KCNJ3: variants seen among roughly 807,000 people sequenced by gnomAD.
The protein encoded by KCNJ3 is G protein-activated inward rectifier potassium channel 1.
A neutral mutation model predicts 39.2 loss-of-function variants in KCNJ3; 4 were observed. The ratio of observed to expected loss-of-function variants is 0.10; its 90% confidence interval spans 0.05 to 0.23. KCNJ3 has a LOEUF of 0.23. Ranked by LOEUF, KCNJ3 falls within the 10% of genes least tolerant of loss-of-function variation. The probability of loss-of-function intolerance (pLI) is 1.00; values close to 1 mark genes in which losing one functional copy is unlikely to be tolerated. For synonymous variants in KCNJ3, 230 were observed against 237.4 expected, an observed-to-expected ratio of 0.97 and a Z score of 0.29; for missense variants, 276 against 634.9, an observed-to-expected ratio of 0.43 and a Z score of 6.08.
At chr2:154,769,578 AT>A (rs1391142827) in intron 2 of KCNJ3, among the ~76,000 whole-genome samples, 2 of 152,130 alleles carry the variant, frequency 1.3e-5, no homozygotes, top group Admixed American at 6.5e-5. Flanking sequence ...GTGCTGCTGG[AT>A]TCGGTTTGCC....
chr2:154,765,994 A>G (rs1357306543), intron 2 of KCNJ3, among the ~76,000 whole-genome samples: 1 of 152,236 alleles, frequency 6.6e-6, no homozygotes, highest in Non-Finnish European at 1.5e-5. Context: ...CACACACGCC[A>G]TTAGTAAGTA....
rs182085603 is a variant in KCNJ3 at position 154,803,599 on chromosome 2, G to T, written c.920-51128G>T. The stretch of plus-strand genomic sequence containing the variant: ...ATAATGAAGCTTAAACCAAATTATT[G>T]TATCCCTTTAATTATTATTTCAAAA... On this transcript the variant is annotated intron_variant, in intron 2 of 2. Coordinates refer to ENST00000295101, the MANE Select transcript of KCNJ3 (RefSeq NM_002239.4). Among the ~76,000 whole-genome samples, 6 of 151,652 alleles carry T rather than the reference G, an allele frequency of 4.0e-5. 1 individual carries two copies. Among genetic ancestry groups the T allele is most frequent in the Admixed American group, 2.0e-4 (3 of 15,214 alleles).
chr2:154,809,764 T>C (rs1367826313), intron 2 of KCNJ3, among the ~76,000 whole-genome samples: 1 of 152,186 alleles, frequency 6.6e-6, no homozygotes, highest in Non-Finnish European at 1.5e-5. Context: ...TTTTGCCTAA[T>C]ACTCAAAAAG....
intron 2 of KCNJ3, among the ~76,000 whole-genome samples, chr2:154,850,008 CTTTTTTTTTTTTTTTTTTT>C (rs373062062): frequency 0.13 from 6,204 of 49,006 alleles, 350 homozygotes; most frequent in Middle Eastern, 0.22. Flanking sequence ...CAGAATAAAT[CTTTTTTTTTTTTTTTTTTT>C]TTTTTTTTTT....
intron 2 of KCNJ3, among the ~76,000 whole-genome samples, chr2:154,716,288 T>A (rs1453905757): frequency 1.4e-4 from 21 of 146,966 alleles, no homozygotes; most frequent in Admixed American, 2.7e-4. Flanking sequence ...TTTTTTTTTT[T>A]TTTTTTTTTT....
intron 2 of KCNJ3, among the ~76,000 whole-genome samples, chr2:154,712,538 C>T (rs1364236705): frequency 6.6e-6 from 1 of 152,120 alleles, no homozygotes; most frequent in Non-Finnish European, 1.5e-5. Context: ...AAGTATGTAT[C>T]GAATGTGTGT....
rs1454115517 is a variant in KCNJ3, at chr2:154,855,891, A to G, written c.*578A>G. On this transcript the variant is annotated 3_prime_UTR_variant, in exon 3 of 3. Transcript: ENST00000295101. ...TTATTAGAGTAGGAAGGCTACTGGCATTAATTATTAATACCAAATATTTTA... is the reference window on the plus strand; with the variant it reads ...TTATTAGAGTAGGAAGGCTACTGGCGTTAATTATTAATACCAAATATTTTA... 6.6e-6 allele frequency: 1 copy of G among 152,504 alleles called. No individual in the cohort carries two copies. The highest frequency in any genetic ancestry group is 2.4e-5 in the African/African-American group (1 of 41,446). The allele number at this position is 152,504 out of a possible 1,614,324, so 9.4% of individuals were successfully genotyped here.
chr2:154,760,002 G>C (rs1451763760), intron 2 of KCNJ3, among the ~76,000 whole-genome samples: 1 of 150,038 alleles, frequency 6.7e-6, no homozygotes. Context: ...ATTTAAAGAA[G>C]TACTGAGTGG....
chr2:154,795,404 A>T (rs1300056072), intron 2 of KCNJ3, among the ~76,000 whole-genome samples: 5 of 151,684 alleles, frequency 3.3e-5, no homozygotes, highest in Non-Finnish European at 5.9e-5. Flanking sequence ...TCTTCCATTT[A>T]TGTCTTAAGG....
At chr2:154,702,850 A>T (rs561687113) in intron 1 of KCNJ3, among the ~76,000 whole-genome samples, 4 of 151,752 alleles carry the variant, frequency 2.6e-5, no homozygotes, top group Admixed American at 6.6e-5. Context: ...TTTTTACTTG[A>T]ATTTTCCATT....
Position 154,855,060 on chromosome 2 carries a change from G to A in KCNJ3, c.1253G>A (p.Arg418Lys), listed in dbSNP as rs752750504. ...GAAGACTTTCCCAAAAAACTCTTGA[G>A]GATGAGTTCTACAACTTCAGAAAAA... ...GREDFPKKLL[R>K]MSSTTSEKAY... The change falls in exon 3 of 3, where the codon AGG becomes AAG. Residue 418 changes from arginine (R) to lysine (K), a missense_variant. Physicochemically the swap from Arg to Lys is conservative, Grantham distance 26. Transcript: ENST00000295101. The A allele has an allele frequency of 1.9e-6, 3 of 1,614,058 alleles. No individual in the cohort carries two copies. The highest frequency in any genetic ancestry group is 8.5e-7 in the Non-Finnish European group (1 of 1,179,958).
At chr2:154,808,848 T>A (rs1327699505) in intron 2 of KCNJ3, among the ~76,000 whole-genome samples, 2 of 152,178 alleles carry the variant, frequency 1.3e-5, no homozygotes, top group Non-Finnish European at 2.9e-5. Context: ...GGTGGGGTCA[T>A]GAATCTTTTT....
chr2:154,715,314 G>A (rs758874264), intron 2 of KCNJ3, among the ~76,000 whole-genome samples: 2 of 152,136 alleles, frequency 1.3e-5, no homozygotes, highest in Non-Finnish European at 2.9e-5. Context: ...CCTAATGACT[G>A]CTCCATCAAA....
intron 2 of KCNJ3, among the ~76,000 whole-genome samples, chr2:154,768,807 T>G (rs571648074): frequency 5.1e-4 from 77 of 152,354 alleles, no homozygotes; most frequent in African/African-American, 1.8e-3. Context: ...TATTGATTCT[T>G]CCTATCCATG....
rs373282167 is a variant in KCNJ3 at position 154,842,653 on chromosome 2, G to C, written c.920-12074G>C. 3.3e-5 allele frequency among the ~76,000 whole-genome samples: 5 copies of C among 152,290 alleles called. No homozygotes were observed. The South Asian group carries it at 8.3e-4, about 25-fold the overall frequency. ...ATTGGGTGCATATATATTTAGGATA[G>C]TTAGCTCTTCTTGTTGAATTGATTC... is the stretch of plus-strand genomic sequence containing the variant. On this transcript the variant is annotated intron_variant, in intron 2 of 2. Transcript: ENST00000295101.
rs1225063962 is a variant in KCNJ3, at chr2:154,808,666, G to A, written c.920-46061G>A. 1.3e-5 allele frequency among the ~76,000 whole-genome samples: 2 copies of A among 152,102 alleles called. 1 individual carries two copies. ...AAAAATTGCATCATGACCAAAAAAT[G>A]CATGGTGGCATCCCAAATTTAAAAA... On this transcript the variant is annotated intron_variant, in intron 2 of 2. Coordinates refer to ENST00000295101, the MANE Select transcript of KCNJ3 (RefSeq NM_002239.4).
intron 2 of KCNJ3, among the ~76,000 whole-genome samples, chr2:154,840,336 A>G (rs1443747702): frequency 6.6e-6 from 1 of 152,152 alleles, no homozygotes; most frequent in Non-Finnish European, 1.5e-5. Flanking sequence ...TGTTTTGGTT[A>G]CTGTAGCCTT....
chr2:154,731,159 G>T (rs1685442716), intron 2 of KCNJ3, among the ~76,000 whole-genome samples: 1 of 152,018 alleles, frequency 6.6e-6, no homozygotes, highest in South Asian at 2.1e-4. Flanking sequence ...AGCACCAAGA[G>T]CAAAGGCTTG....
chr2:154,735,581 TTTCA>T (rs1467643253), intron 2 of KCNJ3, among the ~76,000 whole-genome samples: 2 of 152,198 alleles, frequency 1.3e-5, no homozygotes, highest in East Asian at 3.8e-4. Flanking sequence ...TTTTGTTTTC[TTTCA>T]GTTAATATAA....
Sources: gnomAD v4.1 joint callset for allele counts (sites outside exome capture counted in the v4.1 genomes callset) on GRCh38, gnomAD v4.1.1 for gene constraint, MANE v1.5 for transcripts, NCBI Gene and HGNC (gene_info 2026-07-23, HGNC 2026-07-21) for gene names.